The following AFAP1L2 variants were observed in gnomAD, a reference collection of about 807,000 sequenced individuals.
The protein encoded by AFAP1L2 is actin filament-associated protein 1-like 2.
AFAP1L2 carries 46 observed loss-of-function variants against 99.3 expected under a neutral mutation model. That is an observed-to-expected ratio of 0.46 (90% CI 0.37 to 0.59). The LOEUF (loss-of-function observed/expected upper bound fraction) is 0.59, where lower values mean the gene tolerates loss of function less well. Ranked by LOEUF, AFAP1L2 falls within the 20% of genes least tolerant of loss-of-function variation. AFAP1L2 has a pLI of 0.00. For synonymous variants in AFAP1L2, 397 were observed against 419.1 expected, an observed-to-expected ratio of 0.95 and a Z score of 0.64; for missense variants, 959 against 1,034.9, an observed-to-expected ratio of 0.93 and a Z score of 1.01.
At chr10:114,384,835 G>C (rs996376659) in intron 1 of AFAP1L2, among the ~76,000 whole-genome samples, 2 of 152,214 alleles carry the variant, frequency 1.3e-5, no homozygotes, top group Non-Finnish European at 2.9e-5. Context: ...CACTCAGTGG[G>C]GACTTCCAAA....
chr10:114,282,491 A>G, the AFAP1L2 span: 4 of 1,608,316 alleles, frequency 2.5e-6, no homozygotes, highest in Non-Finnish European at 3.4e-6. Flanking sequence ...TGATCTGTCT[A>G]TAATTCTGTT....
intron 12 of AFAP1L2, 43 bp from the exon 13 acceptor site, chr10:114,301,508 G>T: frequency 6.8e-7 from 1 of 1,465,350 alleles, no homozygotes; most frequent in Non-Finnish European, 9.6e-7. Context: ...AGCCGGGGCA[G>T]GGTGGTGAAA....
chr10:114,295,997 C>T lies in AFAP1L2; in HGVS notation c.*45G>A, dbSNP rs781269353. On this transcript the variant is annotated 3_prime_UTR_variant, in exon 19 of 19. Coordinates refer to ENST00000304129, the MANE Select transcript of AFAP1L2 (RefSeq NM_001001936.3). ...TTGCTTTAACAAAGCAGGATTGTCA[C>T]CAAGGTCCACATTGACATGAGAGTC... 1 of 1,613,886 alleles carries T rather than the reference C, an allele frequency of 6.2e-7. No homozygotes were observed. Among genetic ancestry groups the T allele is most frequent in the African/African-American group, 1.3e-5 (1 of 74,912 alleles).
rs111987530 is a variant in AFAP1L2 at position 114,322,045 on chromosome 10, A to G, written c.406+1126T>C. Reference sequence around the variant, plus strand: ...TCCCATGCTGTTCTCGTGATAGTGAATAAGTCTCACGAGATCTGACGGTTT... The same window carrying G: ...TCCCATGCTGTTCTCGTGATAGTGAGTAAGTCTCACGAGATCTGACGGTTT... On this transcript the variant is annotated intron_variant, in intron 5 of 18. Transcript: ENST00000304129. 4.4e-3 allele frequency among the ~76,000 whole-genome samples: 665 copies of G among 152,254 alleles called. 4 individuals are homozygous for G. Among genetic ancestry groups the G allele is most frequent in the African/African-American group, 0.013 (543 of 41,544 alleles).
chr10:114,350,591 A>G (rs2136197565), intron 1 of AFAP1L2, among the ~76,000 whole-genome samples: 1 of 152,290 alleles, frequency 6.6e-6, no homozygotes, highest in East Asian at 1.9e-4. Flanking sequence ...ACCTGGGCAA[A>G]GGGCTCACAA....
intron 1 of AFAP1L2, among the ~76,000 whole-genome samples, chr10:114,370,847 C>T (rs943128067): frequency 1.2e-4 from 19 of 152,180 alleles, no homozygotes; most frequent in African/African-American, 4.6e-4. Context: ...TTATCCACTT[C>T]CACTATTTCT....
chr10:114,348,454 G>A lies in AFAP1L2; in HGVS notation c.17-7723C>T, dbSNP rs148922027. Among the ~76,000 whole-genome samples, 424 of 152,262 alleles carry A rather than the reference G, an allele frequency of 2.8e-3. 2 individuals are homozygous for A. Among genetic ancestry groups the A allele is most frequent in the South Asian group, 0.027 (132 of 4,820 alleles). ...CTTTTACTTAACATAAGGCATATGAGATTCATCCCGGTTGTAATGCATGAG... is the reference window on the plus strand; with the variant it reads ...CTTTTACTTAACATAAGGCATATGAAATTCATCCCGGTTGTAATGCATGAG... On this transcript the variant is annotated intron_variant, in intron 1 of 18. Transcript: ENST00000304129.
chr10:114,290,096 A>G (rs1387389264), downstream of AFAP1L2: 3 of 1,080,836 alleles, frequency 2.8e-6, no homozygotes, highest in Non-Finnish European at 3.9e-6. Flanking sequence ...GCCAAGTGGT[A>G]TGCAGCACCA....
At chr10:114,368,767 A>AACACACAC (rs34854872) in intron 1 of AFAP1L2, among the ~76,000 whole-genome samples, 9 of 140,742 alleles carry the variant, frequency 6.4e-5, no homozygotes, top group Non-Finnish European at 1.1e-4. Flanking sequence ...GTGTCCTTAC[A>AACACACAC]ACACACACAC....
At chr10:114,301,304 TAGG>T (rs754007003) in intron 13 of AFAP1L2, 47 bp downstream of exon 13, 225 of 1,467,116 alleles carry the variant, frequency 1.5e-4, no homozygotes, top group Non-Finnish European at 2.0e-4. Context: ...TTGAGGTTGG[TAGG>T]AGGAGGGCCT....
the AFAP1L2 span, chr10:114,289,162 A>G: frequency 6.2e-7 from 1 of 1,613,800 alleles, no homozygotes; most frequent in East Asian, 2.2e-5. Flanking sequence ...GCGGGCCATT[A>G]GCCAGGCCCC....
chr10:114,296,469 TTAA>T (rs1343583732), intron 18 of AFAP1L2: 4 of 222,550 alleles, frequency 1.8e-5, no homozygotes, highest in African/African-American at 6.9e-5. Flanking sequence ...GAGTAAATGA[TTAA>T]TGATACTTTT....
At chr10:114,308,388 C>T in intron 9 of AFAP1L2, 45 bp downstream of exon 9, 2 of 1,570,390 alleles carry the variant, frequency 1.3e-6, no homozygotes, top group Non-Finnish European at 1.8e-6. Flanking sequence ...ACAGCCCAGC[C>T]TCACAGCCTG....
At chr10:114,289,433 C>T in the AFAP1L2 span, 1 of 1,614,162 alleles carries the variant, frequency 6.2e-7, no homozygotes. Context: ...ATCCACGTGG[C>T]AGCTTACGCC....
chr10:114,348,088 G>A (rs954736645), intron 1 of AFAP1L2, among the ~76,000 whole-genome samples: 15 of 152,072 alleles, frequency 9.9e-5, no homozygotes, highest in African/African-American at 3.4e-4. Context: ...TTAGCATTAT[G>A]TTTTCAAGGT....
At chr10:114,311,350 A>G (rs567750452) in intron 7 of AFAP1L2, among the ~76,000 whole-genome samples, 1 of 152,354 alleles carries the variant, frequency 6.6e-6, no homozygotes, top group East Asian at 1.9e-4. Context: ...GAAACGCAGA[A>G]TTAGTTAGAG....
At chr10:114,286,437 T>A in the AFAP1L2 span, 1 of 1,612,874 alleles carries the variant, frequency 6.2e-7, no homozygotes, top group Non-Finnish European at 8.5e-7. Context: ...CATGTGATGG[T>A]CTACTCGGAT....
intron 4 of AFAP1L2, among the ~76,000 whole-genome samples, chr10:114,323,637 T>G (rs2045742967): frequency 6.6e-6 from 1 of 152,168 alleles, no homozygotes. Context: ...ATAGAATATA[T>G]TTTCTAAAAA....
chr10:114,316,751 A>C (rs769078955), intron 5 of AFAP1L2, among the ~76,000 whole-genome samples: 1 of 152,112 alleles, frequency 6.6e-6, no homozygotes, highest in Admixed American at 6.5e-5. Context: ...TGATTGATCT[A>C]TCTCTCTCTC....
Sources: allele counts gnomAD v4.1 joint callset (sites outside exome capture counted in the v4.1 genomes callset), GRCh38; gene constraint gnomAD v4.1.1; transcripts MANE v1.5; gene names NCBI Gene and HGNC (gene_info 2026-07-23, HGNC 2026-07-21).